Variants in COL23A1 observed in about 807,000 individuals in gnomAD.
COL23A1 encodes collagen alpha-1(XXIII) chain.
A neutral mutation model predicts 99.3 loss-of-function variants in COL23A1; 97 were observed. That is an observed-to-expected ratio of 0.98 (90% CI 0.83 to 1.16). The LOEUF (loss-of-function observed/expected upper bound fraction) is 1.16, where lower values mean the gene tolerates loss of function less well. Among genes scored for constraint, COL23A1 ranks in the 50% most tolerant of loss-of-function variants. The probability of loss-of-function intolerance (pLI) is 0.00; values close to 1 mark genes in which losing one functional copy is unlikely to be tolerated. For synonymous variants in COL23A1, 320 were observed against 308.2 expected (o/e 1.04, Z -0.40); for missense variants, 762 against 757.4 (o/e 1.01, Z -0.07).
intron 2 of COL23A1, among the ~76,000 whole-genome samples, chr5:178,509,515 C>A (rs746966219): frequency 6.6e-6 from 1 of 152,122 alleles, no homozygotes; most frequent in Non-Finnish European, 1.5e-5. Context: ...GCCACCGTGC[C>A]CGGCCAGAAC....
intron 1 of COL23A1, among the ~76,000 whole-genome samples, chr5:178,581,534 C>G (rs929708988): frequency 4.0e-5 from 6 of 151,248 alleles, no homozygotes; most frequent in African/African-American, 1.5e-4. Flanking sequence ...CCACTGCACT[C>G]CAGCCTGGGC....
intron 2 of COL23A1, among the ~76,000 whole-genome samples, chr5:178,472,860 C>T (rs1562002621): frequency 6.6e-6 from 1 of 152,186 alleles, no homozygotes; most frequent in Non-Finnish European, 1.5e-5. Context: ...CACAGTGGCT[C>T]ATGTCTGTAA....
chr5:178,524,124 C>T (rs186177314), intron 2 of COL23A1, among the ~76,000 whole-genome samples: 8 of 152,312 alleles, frequency 5.3e-5, no homozygotes, highest in Admixed American at 2.0e-4. Context: ...ACAAAGAGAA[C>T]GTACTGCCCC....
intron 2 of COL23A1, among the ~76,000 whole-genome samples, chr5:178,546,776 C>G (rs1396902653): frequency 5.9e-5 from 9 of 152,198 alleles, no homozygotes; most frequent in Non-Finnish European, 1.3e-4. Flanking sequence ...CTTCCATCAG[C>G]CCCACAAGGA....
chr5:178,524,417 G>A (rs1423376079), intron 2 of COL23A1, among the ~76,000 whole-genome samples: 1 of 152,206 alleles, frequency 6.6e-6, no homozygotes, highest in Non-Finnish European at 1.5e-5. Context: ...GCAGAGCCTG[G>A]TGGTGGGGTC....
chr5:178,295,695 T>A (rs927769978), intron 3 of COL23A1, among the ~76,000 whole-genome samples: 1 of 152,170 alleles, frequency 6.6e-6, no homozygotes, highest in Non-Finnish European at 1.5e-5. Context: ...ATCACAGAAG[T>A]GTTGAGATAG....
In COL23A1 at chr5:178,590,123, C is replaced by CCCTCCGCCG; in HGVS notation, c.66_74dup (p.Gly23_Gly25dup). 8.1e-7 allele frequency: 1 copy of CCCTCCGCCG among 1,241,406 alleles called. No homozygotes were observed. Among genetic ancestry groups the CCCTCCGCCG allele is most frequent in the Non-Finnish European group, 1.0e-6 (1 of 995,482 alleles). The allele number at this position is 1,241,406 out of a possible 1,614,324, so 76.9% of individuals were successfully genotyped here. On this transcript the variant is annotated inframe_insertion, in exon 1 of 29. Transcript: ENST00000390654. The surrounding 1 kb of genome is among the most constrained non-coding windows in gnomAD (Gnocchi z 5.7). ...GGGACCCGGCCGTCGTCGCCGAGCGCCCTCCGCCGCCGCCGCCCGCCGCAT... is the reference window on the plus strand; with the variant it reads ...GGGACCCGGCCGTCGTCGCCGAGCGCCCTCCGCCGCCTCCGCCGCCGCCGCCCGCCGCAT...
intron 2 of COL23A1, among the ~76,000 whole-genome samples, chr5:178,460,222 C>G (rs1310166330): frequency 6.6e-6 from 1 of 152,118 alleles, no homozygotes; most frequent in African/African-American, 2.4e-5. Context: ...ATTTTATCAA[C>G]TAAACAATTC....
intron 2 of COL23A1, among the ~76,000 whole-genome samples, chr5:178,391,617 A>G (rs1277716396): frequency 1.3e-5 from 2 of 152,194 alleles, no homozygotes; most frequent in African/African-American, 4.8e-5. Context: ...TGGAACCCTC[A>G]TCCATAGCTG....
intron 2 of COL23A1, among the ~76,000 whole-genome samples, chr5:178,502,817 A>G (rs973234306): frequency 6.6e-6 from 1 of 152,244 alleles, no homozygotes; most frequent in Admixed American, 6.5e-5. Context: ...CGTTCCCGGC[A>G]GCACTGTTTA....
chr5:178,350,172 C>T lies in COL23A1; in HGVS notation c.362-43253G>A, dbSNP rs1368488432. Among the ~76,000 whole-genome samples the T allele has an allele frequency of 1.3e-4, 20 of 152,348 alleles. No individual in the cohort carries two copies. In the East Asian group the frequency reaches 3.1e-3, roughly 24 times the overall value. On this transcript the variant is annotated intron_variant, in intron 2 of 28. Transcript: ENST00000390654. Reference sequence around the variant, plus strand: ...ACGCAGTCAGCTTCTACTCAGTCCTCGGGCCGAGCACCCATGCCACCTCCT... The same window carrying T: ...ACGCAGTCAGCTTCTACTCAGTCCTTGGGCCGAGCACCCATGCCACCTCCT...
intron 2 of COL23A1, among the ~76,000 whole-genome samples, chr5:178,316,278 A>C (rs1758978219): frequency 6.6e-6 from 1 of 152,224 alleles, no homozygotes; most frequent in African/African-American, 2.4e-5. Flanking sequence ...CATATATGAA[A>C]TACGTCTGGG....
chr5:178,300,162 G>C (rs1757954664), intron 3 of COL23A1, among the ~76,000 whole-genome samples: 1 of 151,626 alleles, frequency 6.6e-6, no homozygotes, highest in African/African-American at 2.4e-5. Flanking sequence ...GCTCCTCCAG[G>C]TTTAAGCAAT....
At chr5:178,241,754 C>G (rs996686473) in intron 27 of COL23A1, among the ~76,000 whole-genome samples, 2 of 152,242 alleles carry the variant, frequency 1.3e-5, no homozygotes, top group African/African-American at 2.4e-5. Context: ...GGTTCCTACT[C>G]AAGCCAGGCC....
At chr5:178,539,823 A>C (rs1761192981) in intron 2 of COL23A1, among the ~76,000 whole-genome samples, 1 of 152,214 alleles carries the variant, frequency 6.6e-6, no homozygotes, top group African/African-American at 2.4e-5. Context: ...AGAAGAACAC[A>C]TATTAGACCA....
chr5:178,242,484 A>C, intron 25 of COL23A1, 90 bp from the exon 26 acceptor site: 1 of 1,309,706 alleles, frequency 7.6e-7, no homozygotes, highest in Non-Finnish European at 1.1e-6. Flanking sequence ...TCCCATCCAC[A>C]CGCCCACTTT....
intron 2 of COL23A1, among the ~76,000 whole-genome samples, chr5:178,479,646 A>G (rs1191185911): frequency 6.6e-6 from 1 of 152,234 alleles, no homozygotes; most frequent in African/African-American, 2.4e-5. Flanking sequence ...ATTGGGGTTG[A>G]AATTCTGTAA....
At chr5:178,461,896 A>T (rs1189171751) in intron 2 of COL23A1, among the ~76,000 whole-genome samples, 1 of 152,270 alleles carries the variant, frequency 6.6e-6, no homozygotes, top group South Asian at 2.1e-4. Flanking sequence ...TGAATTCTAC[A>T]CAAGTTCAAG....
rs770823332 is a variant in COL23A1, at chr5:178,366,319, C to T, written c.362-59400G>A. Among the ~76,000 whole-genome samples the T allele has an allele frequency of 3.3e-4, 51 of 152,310 alleles. No homozygotes were observed. Among genetic ancestry groups the T allele is most frequent in the Non-Finnish European group, 6.9e-4 (47 of 68,024 alleles). On this transcript the variant is annotated intron_variant, in intron 2 of 28. Transcript: ENST00000390654. This position sits in a 1 kb window ranked among gnomAD's most constrained non-coding sequence, Gnocchi z 4.4. ...CCTCTGCACCCCACGATGGGCGCTG[C>T]GTCCTCCATCCTCTGGTGCACCAGG...
Sources: allele counts gnomAD v4.1 joint callset (sites outside exome capture counted in the v4.1 genomes callset), GRCh38; gene constraint gnomAD v4.1.1; non-coding constraint Gnocchi (gnomAD v3.1); transcripts MANE v1.5; gene names NCBI Gene and HGNC (gene_info 2026-07-23, HGNC 2026-07-21).